Variants in SLC38A8 observed in about 807,000 individuals in gnomAD.
SLC38A8 encodes amino acid transporter SLC38A8.
A neutral mutation model predicts 46.0 loss-of-function variants in SLC38A8; 65 were observed. The observed-to-expected ratio is 1.41, with a 90% CI of 1.16 to 1.74. The LOEUF (loss-of-function observed/expected upper bound fraction) is 1.74, where lower values mean the gene tolerates loss of function less well. Ranked by LOEUF, SLC38A8 falls within the 40% of genes most tolerant of loss-of-function variation. The probability of loss-of-function intolerance (pLI) is 0.00; values close to 1 mark genes in which losing one functional copy is unlikely to be tolerated. For synonymous variants in SLC38A8, 447 were observed against 243.7 expected (o/e 1.83, Z -7.77); for missense variants, 998 against 567.9 (o/e 1.76, Z -7.70).
intron 10 of SLC38A8, among the ~76,000 whole-genome samples, chr16:84,010,427 C>T (rs112622822): frequency 0.1 from 15,830 of 151,962 alleles, 1,231 homozygotes; most frequent in African/African-American, 0.22. Context: ...GCTCATTCCT[C>T]CCCAGTATTT....
chr16:84,022,962 C>G (rs1317766573), intron 6 of SLC38A8, 73 bp from the exon 7 acceptor site: 1 of 1,091,068 alleles, frequency 9.2e-7, no homozygotes, highest in Non-Finnish European at 1.3e-6. Flanking sequence ...AAACTCATAT[C>G]CAAAAGGCGG....
rs558324113 is a variant in SLC38A8 at position 84,032,136 on chromosome 16, G to A, written c.531-168C>T. Reference sequence around the variant, plus strand: ...ATCTGTACAGGGGGCATGTGGGGCAGGGCTGCTTTGGGGTCAAGGGGTCAG... The same window carrying A: ...ATCTGTACAGGGGGCATGTGGGGCAAGGCTGCTTTGGGGTCAAGGGGTCAG... On this transcript the variant is annotated intron_variant, in intron 4 of 10. Transcript: ENST00000299709. Among the ~76,000 whole-genome samples, 3 of 152,300 alleles carry A rather than the reference G, an allele frequency of 2.0e-5. No individual in the cohort carries two copies. The East Asian group carries it at 5.8e-4, about 29-fold the overall frequency.
intron 6 of SLC38A8, among the ~76,000 whole-genome samples, chr16:84,026,043 G>T (rs966517030): frequency 6.6e-6 from 1 of 152,268 alleles, no homozygotes; most frequent in Non-Finnish European, 1.5e-5. Flanking sequence ...CAGCCCCATG[G>T]CAGGCTCTGC....
At chr16:84,013,725 A>C in intron 9 of SLC38A8, among the ~76,000 whole-genome samples, 1 of 140,742 alleles carries the variant, frequency 7.1e-6, no homozygotes. Context: ...CACTGCACCC[A>C]GCCCTTTTTT....
rs773694658 is a variant in SLC38A8 at position 84,041,934 on chromosome 16, T to G, written c.189+35A>C. On this transcript the variant is annotated intron_variant, in intron 2 of 10. Transcript: ENST00000299709. ...ACCCAGAAAAGCCAAAGCCACCTCG[T>G]ACCCGTCCCCAGGACTCACTTCCCG... 149 of 1,532,302 alleles carry G rather than the reference T, an allele frequency of 9.7e-5. 5 individuals carry two copies. In the South Asian group the frequency reaches 1.2e-3, roughly 13 times the overall value. 94.9% of individuals were successfully genotyped at this position (1,532,302 alleles called of 1,614,324 possible).
chr16:84,026,089 C>G (rs2085161045), intron 6 of SLC38A8, among the ~76,000 whole-genome samples: 1 of 152,252 alleles, frequency 6.6e-6, no homozygotes, highest in African/African-American at 2.4e-5. Flanking sequence ...GGTGGGGAGT[C>G]CCCGAACGGC....
chr16:84,041,932 C>T (rs779798565), intron 2 of SLC38A8, 37 bp downstream of exon 2: 17 of 1,529,268 alleles, frequency 1.1e-5, no homozygotes, highest in African/African-American at 5.6e-5. Context: ...AAAGCCACCT[C>T]GTACCCGTCC....
chr16:84,012,592 G>A (rs546998051), intron 10 of SLC38A8, among the ~76,000 whole-genome samples: 2 of 152,330 alleles, frequency 1.3e-5, no homozygotes, highest in South Asian at 2.1e-4. Context: ...GCCTAGCAGA[G>A]GAGCCTGGGA....
At chr16:84,042,278 T>C in intron 1 of SLC38A8, 119 bp from the exon 2 acceptor site, 2 of 1,097,926 alleles carry the variant, frequency 1.8e-6, no homozygotes, top group Non-Finnish European at 2.5e-6. Context: ...TCCTGCCCGC[T>C]TCCTTGGCGT....
Position 84,033,321 on chromosome 16 carries a change from C to A in SLC38A8, c.530+7G>T, listed in dbSNP as rs1597273594. The A allele has an allele frequency of 6.2e-7, 1 of 1,614,076 alleles. No homozygotes were observed. Among genetic ancestry groups the A allele is most frequent in the Non-Finnish European group, 8.5e-7 (1 of 1,179,990 alleles). ...GGGCCCCCACCAGGCAGCATCCCAG[C>A]CCTTACCTTGTGTATTTCTGGAAGG... On this transcript the variant is annotated splice_region_variant and intron_variant, in intron 4 of 10. Coordinates refer to ENST00000299709, the MANE Select transcript of SLC38A8 (RefSeq NM_001080442.3).
At chr16:84,033,825 G>A (rs1203021631) in intron 3 of SLC38A8, among the ~76,000 whole-genome samples, 1 of 152,170 alleles carries the variant, frequency 6.6e-6, no homozygotes, top group African/African-American at 2.4e-5. Context: ...GGAGTCAAAT[G>A]GGGGCCTGAA....
chr16:84,013,698 G>A (rs1199472962), intron 9 of SLC38A8, among the ~76,000 whole-genome samples: 1 of 151,452 alleles, frequency 6.6e-6, no homozygotes, highest in Non-Finnish European at 1.5e-5. Flanking sequence ...CAAAGTGCTG[G>A]GATTACAGGC....
rs752292057 is a variant in SLC38A8, at chr16:84,016,672, C to T, written c.1009G>A (p.Ala337Thr). Residue 337 changes from alanine to threonine, a missense_variant, in exon 9 of 11, where the codon GCC becomes ACC. Transcript: ENST00000299709. ...RSCLGGWGPS[A>T]LADPSGLWVR... ...CACAGCCCTGAGGGGTCGGCCAGGG[C>T]GCTGGGCCCCCATCCCCCCAAGCAG... The T allele has an allele frequency of 2.1e-5, 34 of 1,613,404 alleles. No homozygotes were observed. Among genetic ancestry groups the T allele is most frequent in the South Asian group, 5.5e-5 (5 of 91,066 alleles).
chr16:84,022,592 G>C (rs1480372424), intron 7 of SLC38A8, among the ~76,000 whole-genome samples, 183 bp downstream of exon 7: 1 of 152,216 alleles, frequency 6.6e-6, no homozygotes, highest in African/African-American at 2.4e-5. Flanking sequence ...GGGCACCTGA[G>C]CCTCAGCTTC....
Position 84,009,722 on chromosome 16 carries a change from A to AT in SLC38A8, c.*61dup. 7.1e-7 allele frequency: 1 copy of AT among 1,404,752 alleles called. No homozygotes were observed. The highest frequency in any genetic ancestry group is 1.2e-5 in the South Asian group (1 of 80,906). The allele number at this position is 1,404,752 out of a possible 1,614,324, so 87.0% of individuals were successfully genotyped here. ...GAAATGGCATCGGTCTCCTGGCTGC[A>AT]TACAGCAGCCACGTAGGGTCAGCCC... On this transcript the variant is annotated 3_prime_UTR_variant, in exon 11 of 11. Transcript: ENST00000299709.
intron 4 of SLC38A8, among the ~76,000 whole-genome samples, chr16:84,032,412 C>A (rs2085251894): frequency 6.6e-6 from 1 of 152,226 alleles, no homozygotes; most frequent in Non-Finnish European, 1.5e-5. Context: ...TGGTTTTGAA[C>A]TGCTGACCTC....
intron 2 of SLC38A8, among the ~76,000 whole-genome samples, chr16:84,040,207 A>T (rs530545030): frequency 6.6e-6 from 1 of 151,706 alleles, no homozygotes; most frequent in South Asian, 2.1e-4. Context: ...TCCAGCCCCA[A>T]CTCCATCTCC....
chr16:84,027,646 C>T (rs1465616480), intron 6 of SLC38A8, among the ~76,000 whole-genome samples: 1 of 152,188 alleles, frequency 6.6e-6, no homozygotes, highest in African/African-American at 2.4e-5. Flanking sequence ...CGCTTCAGAT[C>T]CTGGCAGCCC....
Position 84,016,542 on chromosome 16 carries a change from G to T in SLC38A8, c.1139C>A (p.Ser380Tyr). Residue 380 changes from serine to tyrosine, a missense_variant, in exon 9 of 11, where the codon TCC (serine) becomes TAC (tyrosine). Transcript: ENST00000299709. ...EIVSIIGGIS[S>Y]FFIFIFPGLC... ...ACCTGGGAAGATGAAGATGAAGAAG[G>T]AACTGATGCCTCCGATGATGCTGAC... 1.9e-6 allele frequency: 3 copies of T among 1,614,046 alleles called. No homozygotes were observed. The highest frequency in any genetic ancestry group is 2.5e-6 in the Non-Finnish European group (3 of 1,179,976).
Sources: gnomAD v4.1 joint callset for allele counts (sites outside exome capture counted in the v4.1 genomes callset) on GRCh38, gnomAD v4.1.1 for gene constraint, MANE v1.5 for transcripts, NCBI Gene and HGNC (gene_info 2026-07-23, HGNC 2026-07-21) for gene names.